Variants in B3GLCT observed in about 807,000 individuals in gnomAD.
B3GLCT encodes the protein beta-1,3-glucosyltransferase.
A neutral mutation model predicts 63.4 loss-of-function variants in B3GLCT; 65 were observed. That is an observed-to-expected ratio of 1.03 (90% CI 0.84 to 1.26). The LOEUF is 1.26. B3GLCT is among the 50% of genes most tolerant of loss of function. The probability of loss-of-function intolerance (pLI) is 0.00; values close to 1 mark genes in which losing one functional copy is unlikely to be tolerated. For synonymous variants in B3GLCT, 233 were observed against 219.2 expected (o/e 1.06, Z -0.55); for missense variants, 577 against 604.8 (o/e 0.95, Z 0.48).
intron 2 of B3GLCT, among the ~76,000 whole-genome samples, chr13:31,222,043 C>G (rs7991474): frequency 0.011 from 1,588 of 151,138 alleles, 17 homozygotes; most frequent in Middle Eastern, 0.021. Context: ...TGGAGCTCTC[C>G]AGCTCTTAAG....
chr13:31,266,325 G>A (rs78943046), intron 7 of B3GLCT, among the ~76,000 whole-genome samples: 2,585 of 152,104 alleles, frequency 0.017, 30 homozygotes, highest in African/African-American at 0.024. Flanking sequence ...ACCACACCCG[G>A]CCCAATAATT....
At position 31,202,701 on chromosome 13, in the gene B3GLCT, A is replaced by G. The variant is rs562016694; in HGVS notation, c.70+2547A>G. Among the ~76,000 whole-genome samples the G allele has an allele frequency of 3.9e-4, 60 of 152,284 alleles. 1 individual carries two copies. In the South Asian group the frequency reaches 0.012, roughly 31 times the overall value. On this transcript the variant is annotated intron_variant, in intron 1 of 14. Transcript: ENST00000343307. Reference sequence around the variant, plus strand: ...TTTGGTGGGGCTCCTGGTAAAGCTCATTCAAGGTGGCTGACTCAGCTGGGA... The same window carrying G: ...TTTGGTGGGGCTCCTGGTAAAGCTCGTTCAAGGTGGCTGACTCAGCTGGGA...
chr13:31,294,176 T>G (rs897266245), intron 12 of B3GLCT, among the ~76,000 whole-genome samples: 2 of 152,238 alleles, frequency 1.3e-5, no homozygotes, highest in Non-Finnish European at 2.9e-5. Context: ...TGCTGGGAGA[T>G]CCGCTGTTTG....
At chr13:31,285,037 C>T (rs574410846) in intron 11 of B3GLCT, among the ~76,000 whole-genome samples, 2 of 152,210 alleles carry the variant, frequency 1.3e-5, no homozygotes, top group East Asian at 1.9e-4. Context: ...TAATTCTTTG[C>T]GACCATGATG....
chr13:31,216,914 G>T (rs1869594187), intron 2 of B3GLCT, among the ~76,000 whole-genome samples: 1 of 152,206 alleles, frequency 6.6e-6, no homozygotes, highest in African/African-American at 2.4e-5. Flanking sequence ...ATGAATATAT[G>T]TGTGCATGTG....
rs1402390579 is a variant in B3GLCT at position 31,330,528 on chromosome 13, T to C, written c.*860T>C. On this transcript the variant is annotated 3_prime_UTR_variant, in exon 15 of 15. Transcript: ENST00000343307. ...GGAAGTGAATTAAATTTGGACCTTATGTTTTACTCTTGTTTTTTTTTTTTT... is the reference window on the plus strand; with the variant it reads ...GGAAGTGAATTAAATTTGGACCTTACGTTTTACTCTTGTTTTTTTTTTTTT... 2.1e-5 allele frequency: 3 copies of C among 145,128 alleles called. No homozygotes were observed. The highest frequency in any genetic ancestry group is 4.4e-4 in the South Asian group (2 of 4,564). The allele number at this position is 145,128 out of a possible 1,614,324, so 9.0% of individuals were successfully genotyped here.
At chr13:31,279,104 G>A (rs1275302902) in intron 10 of B3GLCT, among the ~76,000 whole-genome samples, 2 of 152,226 alleles carry the variant, frequency 1.3e-5, no homozygotes, top group South Asian at 2.1e-4. Flanking sequence ...CTATGCTCAA[G>A]GTCAGTTTTG....
chr13:31,311,992 G>A (rs1874734205), intron 12 of B3GLCT, among the ~76,000 whole-genome samples: 1 of 152,208 alleles, frequency 6.6e-6, no homozygotes, highest in South Asian at 2.1e-4. Context: ...TCCAGGGAGA[G>A]AGACATTGAC....
chr13:31,241,528 G>A (rs774176606), intron 4 of B3GLCT, among the ~76,000 whole-genome samples: 8 of 152,158 alleles, frequency 5.3e-5, no homozygotes, highest in East Asian at 1.9e-4. Context: ...TGCCTATTGC[G>A]GAAATGGCAC....
chr13:31,298,875 G>T (rs1322553780), intron 12 of B3GLCT, among the ~76,000 whole-genome samples: 1 of 152,200 alleles, frequency 6.6e-6, no homozygotes, highest in Admixed American at 6.5e-5. Flanking sequence ...GTCACATCAG[G>T]CCCTAAGGAA....
rs573340519 is a variant in B3GLCT, at chr13:31,312,068, G to T, written c.1065-5498G>T. ...TTGCAAGGAAAAGACTTTGATGTGGGCAGAGCCTTCAGTGGCAAATGCCGG... is the reference window on the plus strand; with the variant it reads ...TTGCAAGGAAAAGACTTTGATGTGGTCAGAGCCTTCAGTGGCAAATGCCGG... On this transcript the variant is annotated intron_variant, in intron 12 of 14. Coordinates refer to ENST00000343307, the MANE Select transcript of B3GLCT (RefSeq NM_194318.4). Among the ~76,000 whole-genome samples, 5 of 152,322 alleles carry T rather than the reference G, an allele frequency of 3.3e-5. No individual in the cohort carries two copies. The East Asian group carries it at 9.7e-4, about 29-fold the overall frequency.
chr13:31,208,632 G>T (rs1353480387), intron 1 of B3GLCT, among the ~76,000 whole-genome samples: 1 of 30,640 alleles, frequency 3.3e-5, no homozygotes, highest in Non-Finnish European at 6.7e-5. Flanking sequence ...CCCCCCCCCC[G>T]CTCACTGCCA....
At chr13:31,290,843 G>C in intron 12 of B3GLCT, among the ~76,000 whole-genome samples, 1 of 152,132 alleles carries the variant, frequency 6.6e-6, no homozygotes, top group East Asian at 1.9e-4. Context: ...TTCTTTTGCT[G>C]TGCAGTAGCT....
chr13:31,291,401 T>C (rs1162420556), intron 12 of B3GLCT, among the ~76,000 whole-genome samples: 1 of 152,252 alleles, frequency 6.6e-6, no homozygotes, highest in Non-Finnish European at 1.5e-5. Flanking sequence ...GCATTGAATC[T>C]GTAAATTACT....
At chr13:31,231,380 C>T (rs770942694) in intron 4 of B3GLCT, among the ~76,000 whole-genome samples, 3 of 152,164 alleles carry the variant, frequency 2.0e-5, no homozygotes, top group Non-Finnish European at 4.4e-5. Flanking sequence ...TGCATGTGCC[C>T]CTGCTCCCAG....
At chr13:31,221,238 G>C (rs1224680552) in intron 2 of B3GLCT, among the ~76,000 whole-genome samples, 6 of 152,222 alleles carry the variant, frequency 3.9e-5, no homozygotes, top group Non-Finnish European at 8.8e-5. Context: ...AGGAGCCTCA[G>C]CTGGCAGCCA....
At chr13:31,273,067 T>C (rs1872638811) in intron 8 of B3GLCT, among the ~76,000 whole-genome samples, 1 of 152,106 alleles carries the variant, frequency 6.6e-6, no homozygotes, top group Admixed American at 6.6e-5. Flanking sequence ...ATCACAAGTT[T>C]TATTCAATTA....
intron 6 of B3GLCT, among the ~76,000 whole-genome samples, chr13:31,251,480 T>G (rs1195543637): frequency 6.6e-6 from 1 of 152,176 alleles, no homozygotes; most frequent in African/African-American, 2.4e-5. Flanking sequence ...AAAAAGGTTA[T>G]AGGAATTGCT....
intron 9 of B3GLCT, among the ~76,000 whole-genome samples, chr13:31,275,793 A>G (rs1872754938): frequency 6.6e-6 from 1 of 152,134 alleles, no homozygotes; most frequent in South Asian, 2.1e-4. Flanking sequence ...AGACACACAC[A>G]CACACGCACA....
Sources: allele counts gnomAD v4.1 joint callset (sites outside exome capture counted in the v4.1 genomes callset), GRCh38; gene constraint gnomAD v4.1.1; transcripts MANE v1.5; gene names NCBI Gene and HGNC (gene_info 2026-07-23, HGNC 2026-07-21).